Variants in DLGAP2 observed in about 807,000 individuals in gnomAD.
The protein encoded by DLGAP2 is DLG associated protein 2, also known as disks large-associated protein 2.
DLGAP2 carries 26 observed loss-of-function variants against 100.3 expected under a neutral mutation model. The ratio of observed to expected loss-of-function variants is 0.26; its 90% CI spans 0.19 to 0.36. The LOEUF is 0.36. Among genes scored for constraint, DLGAP2 ranks in the 10% least tolerant of loss-of-function variants. DLGAP2 has a pLI of 1.00. For synonymous variants in DLGAP2, 886 were observed against 630.1 expected (o/e 1.41, Z -6.08); for missense variants, 1,858 against 1,453.2 (o/e 1.28, Z -4.53).
chr8:1,670,820 G>C (rs183700981), intron 10 of DLGAP2, among the ~76,000 whole-genome samples: 2 of 152,348 alleles, frequency 1.3e-5, no homozygotes, highest in Admixed American at 1.3e-4. Context: ...GTCAGGATAA[G>C]GAAAACAGCC....
intron 6 of DLGAP2, among the ~76,000 whole-genome samples, chr8:1,577,285 G>A (rs1464371360): frequency 2.0e-5 from 3 of 152,112 alleles, no homozygotes; most frequent in Non-Finnish European, 4.4e-5. Flanking sequence ...AATTTTTTAA[G>A]GGGCTGGGCG....
intron 3 of DLGAP2, among the ~76,000 whole-genome samples, chr8:1,451,977 C>T (rs115233165): frequency 2.4e-4 from 37 of 152,366 alleles, no homozygotes; most frequent in African/African-American, 8.9e-4. Flanking sequence ...CTTAAAACGA[C>T]AACAAAATCT....
At chr8:1,039,302 A>ATGGTCAGCTTGGTGTGCG (rs1802229251) in intron 2 of DLGAP2, among the ~76,000 whole-genome samples, 1 of 123,410 alleles carries the variant, frequency 8.1e-6, no homozygotes. Context: ...CTCGGTTTCC[A>ATGGTCAGCTTGGTGTGCG]TGGTCAGCTC....
intron 2 of DLGAP2, among the ~76,000 whole-genome samples, chr8:939,956 T>C (rs1019945664): frequency 1.3e-5 from 2 of 151,906 alleles, no homozygotes; most frequent in African/African-American, 4.8e-5. Context: ...ACGTACAGGC[T>C]CCTGAGAGCG....
At chr8:1,675,781 G>A (rs920197626) in intron 10 of DLGAP2, among the ~76,000 whole-genome samples, 2 of 151,930 alleles carry the variant, frequency 1.3e-5, no homozygotes, top group African/African-American at 4.8e-5. Context: ...CATATCAATG[G>A]CTTAACTAAC....
At chr8:785,424 C>T (rs1275147059) in intron 1 of DLGAP2, among the ~76,000 whole-genome samples, 6 of 151,010 alleles carry the variant, frequency 4.0e-5, no homozygotes, top group Non-Finnish European at 7.4e-5. Flanking sequence ...CTCTCTGAGA[C>T]CGGCTTCTCT....
intron 1 of DLGAP2, among the ~76,000 whole-genome samples, chr8:760,974 T>G (rs1486936253): frequency 6.6e-6 from 1 of 152,190 alleles, no homozygotes; most frequent in Non-Finnish European, 1.5e-5. Flanking sequence ...GGTGGTAGTT[T>G]CCAGGCTCAT....
rs945161926 is a variant in DLGAP2 at position 1,702,674 on chromosome 8, C to T, written c.*1268C>T. 3 of 152,128 alleles carry T rather than the reference C, an allele frequency of 2.0e-5. No homozygotes were observed. The highest frequency in any genetic ancestry group is 7.2e-5 in the African/African-American group (3 of 41,396). The allele number at this position is 152,128 out of a possible 1,614,324, so 9.4% of individuals were successfully genotyped here. A position where few individuals can be genotyped will look rare whatever the true frequency, so the allele number is the denominator to read the frequency against. ...GGTCGGTGCCAGAGGAAAATAGGAA[C>T]GACTCTAATTAATAGGCTTTCTGTG... is the stretch of plus-strand genomic sequence containing the variant. On this transcript the variant is annotated 3_prime_UTR_variant, in exon 15 of 15. Transcript: ENST00000637795.
chr8:1,540,153 G>A (rs554858012), intron 4 of DLGAP2, among the ~76,000 whole-genome samples: 6 of 152,162 alleles, frequency 3.9e-5, no homozygotes, highest in East Asian at 3.9e-4. Flanking sequence ...TCAGAGATAC[G>A]TCCTACTTCC....
intron 3 of DLGAP2, among the ~76,000 whole-genome samples, chr8:1,333,301 C>A (rs111865422): frequency 5.3e-5 from 8 of 152,092 alleles, no homozygotes; most frequent in African/African-American, 1.7e-4. Flanking sequence ...TCTCAGGACA[C>A]GGGGACGGGC....
At chr8:1,217,202 C>A (rs1039712775) in intron 2 of DLGAP2, among the ~76,000 whole-genome samples, 1 of 152,144 alleles carries the variant, frequency 6.6e-6, no homozygotes, top group African/African-American at 2.4e-5. Flanking sequence ...TCAGGGAGAA[C>A]ATGGAGTATT....
intron 2 of DLGAP2, among the ~76,000 whole-genome samples, chr8:928,006 A>G (rs1798855887): frequency 6.6e-6 from 1 of 152,214 alleles, no homozygotes; most frequent in Admixed American, 6.5e-5. Flanking sequence ...GTGCAGTAGA[A>G]GGGATGCCGG....
intron 3 of DLGAP2, among the ~76,000 whole-genome samples, chr8:1,386,774 G>A (rs563285583): frequency 8.5e-5 from 13 of 152,244 alleles, no homozygotes; most frequent in African/African-American, 3.1e-4. Context: ...AATGCGGCAA[G>A]AAGGTGAGAT....
intron 2 of DLGAP2, among the ~76,000 whole-genome samples, chr8:1,067,647 G>C (rs1200636042): frequency 6.9e-6 from 1 of 144,690 alleles, no homozygotes; most frequent in Non-Finnish European, 1.5e-5. Context: ...GTGTGTGTGT[G>C]ACTTAATATT....
At chr8:1,594,070 C>G (rs1282657502) in intron 6 of DLGAP2, among the ~76,000 whole-genome samples, 1 of 152,154 alleles carries the variant, frequency 6.6e-6, no homozygotes, top group Non-Finnish European at 1.5e-5. Flanking sequence ...CAGGCGAAAA[C>G]CACAGCTACC....
chr8:1,268,036 A>G (rs1401808277), intron 3 of DLGAP2, among the ~76,000 whole-genome samples: 1 of 152,214 alleles, frequency 6.6e-6, no homozygotes, highest in South Asian at 2.1e-4. Context: ...TGAATTGAAC[A>G]TACCATCTGG....
intron 1 of DLGAP2, among the ~76,000 whole-genome samples, chr8:822,368 C>T (rs183424882): frequency 2.4e-4 from 37 of 152,210 alleles, no homozygotes; most frequent in African/African-American, 5.1e-4. Flanking sequence ...TATGGTAAGG[C>T]CGGGGGTGAG....
At chr8:1,322,219 AC>A (rs1190871635) in intron 3 of DLGAP2, among the ~76,000 whole-genome samples, 5 of 152,270 alleles carry the variant, frequency 3.3e-5, no homozygotes. Flanking sequence ...TTTCAGATGT[AC>A]ATCATTTAAT....
intron 1 of DLGAP2, among the ~76,000 whole-genome samples, chr8:785,446 G>A (rs1247551840): frequency 1.4e-5 from 2 of 146,952 alleles, no homozygotes; most frequent in African/African-American, 2.5e-5. Flanking sequence ...CTCCCCTCAG[G>A]TCTCTCTGAG....
Sources: gnomAD v4.1 joint callset for allele counts (sites outside exome capture counted in the v4.1 genomes callset) on GRCh38, gnomAD v4.1.1 for gene constraint, MANE v1.5 for transcripts, NCBI Gene and HGNC (gene_info 2026-07-23, HGNC 2026-07-21) for gene names.